HAUS1: variants seen among roughly 807,000 people sequenced by gnomAD.
The protein encoded by HAUS1 is HAUS augmin like complex subunit 1, also known as HAUS augmin-like complex subunit 1.
HAUS1 carries 25 observed loss-of-function variants against 38.6 expected under a neutral mutation model. The ratio of observed to expected loss-of-function variants is 0.65; its 90% CI spans 0.47 to 0.91. HAUS1 has a LOEUF of 0.91. Ranked by LOEUF, HAUS1 falls within the 40% of genes least tolerant of loss-of-function variation. HAUS1 has a pLI of 0.00. For missense variants in HAUS1, 325 were observed against 328.4 expected, an observed-to-expected ratio of 0.99 and a Z score of 0.08; for synonymous variants, 109 against 112.9, an observed-to-expected ratio of 0.97 and a Z score of 0.22.
intron 2 of HAUS1, among the ~76,000 whole-genome samples, chr18:46,108,271 C>CTTTTTT (rs1166729740): frequency 1.7e-5 from 2 of 115,210 alleles, no homozygotes; most frequent in Non-Finnish European, 3.6e-5. Context: ...GAATTTACTT[C>CTTTTTT]TTTTTTTTTT....
chr18:46,104,725 C>T (rs898641641), intron 1 of HAUS1, among the ~76,000 whole-genome samples: 2 of 152,056 alleles, frequency 1.3e-5, no homozygotes, highest in African/African-American at 4.8e-5. Flanking sequence ...GAAGCCAAAC[C>T]CGCCTTCCGG....
chr18:46,120,309 A>C (rs1390428822), intron 4 of HAUS1, among the ~76,000 whole-genome samples: 2 of 151,158 alleles, frequency 1.3e-5, no homozygotes, highest in African/African-American at 2.4e-5. Flanking sequence ...ATCTCAGCTC[A>C]CTGCAACCTC....
intron 2 of HAUS1, among the ~76,000 whole-genome samples, chr18:46,117,031 C>T (rs909906906): frequency 3.3e-5 from 5 of 152,146 alleles, no homozygotes; most frequent in Non-Finnish European, 5.9e-5. Flanking sequence ...ATCAAAAAGA[C>T]ATATTGCAAC....
chr18:46,104,497 C>A, intron 1 of HAUS1, 56 bp downstream of exon 1: 8 of 1,387,158 alleles, frequency 5.8e-6, no homozygotes, highest in Non-Finnish European at 6.7e-6. Context: ...TTTTGACACC[C>A]CCGCGCCGAC....
rs770222476 is a variant in HAUS1, at chr18:46,120,097, A to G, written c.476+37A>G. 3.4e-6 allele frequency: 5 copies of G among 1,452,356 alleles called. No homozygotes were observed. In the East Asian group the frequency reaches 9.3e-5, roughly 27 times the overall value. 90.0% of individuals were successfully genotyped at this position (1,452,356 alleles called of 1,614,324 possible). On this transcript the variant is annotated intron_variant, in intron 4 of 8. Transcript: ENST00000282058. ...AGTTCAGAGTGGTGACAATTTATAAATAAGGGAGTAATAGGACATTGTCAA... is the reference window on the plus strand; with the variant it reads ...AGTTCAGAGTGGTGACAATTTATAAGTAAGGGAGTAATAGGACATTGTCAA...
At chr18:46,123,251 A>C in intron 5 of HAUS1, 48 bp from the exon 6 acceptor site, 1 of 1,208,650 alleles carries the variant, frequency 8.3e-7, no homozygotes, top group Non-Finnish European at 1.2e-6. Context: ...GATGGTGGTC[A>C]CTTTTCAAAT....
intron 2 of HAUS1, among the ~76,000 whole-genome samples, chr18:46,107,629 G>A (rs1044117682): frequency 6.6e-6 from 1 of 152,196 alleles, no homozygotes; most frequent in Non-Finnish European, 1.5e-5. Flanking sequence ...GTACATTGAT[G>A]TGTATTGGTA....
At chr18:46,118,646 C>A (rs1212277655) in intron 3 of HAUS1, among the ~76,000 whole-genome samples, 1 of 152,156 alleles carries the variant, frequency 6.6e-6, no homozygotes, top group Non-Finnish European at 1.5e-5. Context: ...TTGGTTATGT[C>A]TACCTTTTTG....
intron 2 of HAUS1, among the ~76,000 whole-genome samples, chr18:46,109,446 GA>G (rs1309069582): frequency 1.3e-5 from 2 of 152,072 alleles, no homozygotes; most frequent in Non-Finnish European, 2.9e-5. Flanking sequence ...TTCTGTTATT[GA>G]TTTCTCATTT....
intron 8 of HAUS1, 120 bp from the exon 9 acceptor site, chr18:46,127,955 A>AT (rs1468201799): frequency 2.0e-6 from 1 of 512,116 alleles, no homozygotes; most frequent in African/African-American, 2.0e-5. Flanking sequence ...TCATAATGGT[A>AT]TTTTTAAAAT....
chr18:46,108,090 C>T (rs1436024104), intron 2 of HAUS1, among the ~76,000 whole-genome samples: 1 of 151,988 alleles, frequency 6.6e-6, no homozygotes, highest in African/African-American at 2.4e-5. Context: ...CTTGAGGAGG[C>T]AAATGAGAAG....
chr18:46,111,109 C>G (rs1911622807), intron 2 of HAUS1, among the ~76,000 whole-genome samples: 2 of 151,804 alleles, frequency 1.3e-5, no homozygotes, highest in African/African-American at 4.8e-5. Flanking sequence ...ATCTCCTGAT[C>G]CATCCACCTC....
At chr18:46,113,034 T>TGG (rs1568263677) in intron 2 of HAUS1, among the ~76,000 whole-genome samples, 9 of 58,572 alleles carry the variant, frequency 1.5e-4, no homozygotes, top group African/African-American at 5.1e-4. Context: ...ATTATATATA[T>TGG]AATATATATA....
Position 46,120,024 on chromosome 18 carries a change from T to C in HAUS1, c.440T>C (p.Leu147Ser), listed in dbSNP as rs1439033120. The C allele has an allele frequency of 4.1e-5, 66 of 1,606,200 alleles. No homozygotes were observed. Among genetic ancestry groups the C allele is most frequent in the Non-Finnish European group, 5.4e-5 (63 of 1,174,950 alleles). The change falls in exon 4 of 9, where the codon TTA (leucine) becomes TCA (serine). Residue 147 changes from leucine (L) to serine (S), a missense_variant. Transcript: ENST00000282058. ...GAACTGGAAAAACTTGAAAAAAATT[T>C]AACTGCAACTTTAGTATTAGAAAAA... ...KIELEKLEKN[L>S]TATLVLEKCL... is the part of the protein sequence containing the mutation.
At chr18:46,117,021 A>G (rs765491577) in intron 2 of HAUS1, among the ~76,000 whole-genome samples, 1 of 152,200 alleles carries the variant, frequency 6.6e-6, no homozygotes, top group African/African-American at 2.4e-5. Context: ...GATGGCTATA[A>G]TCAAAAAGAC....
intron 2 of HAUS1, among the ~76,000 whole-genome samples, chr18:46,111,345 G>A (rs1911629498): frequency 6.6e-6 from 1 of 150,840 alleles, no homozygotes; most frequent in Admixed American, 6.6e-5. Flanking sequence ...TTATTTTTGA[G>A]ACAGAGTCTC....
At chr18:46,111,576 C>T (rs894845365) in intron 2 of HAUS1, among the ~76,000 whole-genome samples, 13 of 152,118 alleles carry the variant, frequency 8.5e-5, no homozygotes, top group Non-Finnish European at 1.9e-4. Flanking sequence ...CCCACCTCAG[C>T]CTCCCAAAGT....
Position 46,122,538 on chromosome 18 carries a change from ACTTT to A in HAUS1, c.551_554del (p.Phe184Ter), listed in dbSNP as rs1344649692. 6.2e-7 allele frequency: 1 copy of A among 1,614,026 alleles called. No individual in the cohort carries two copies. Among genetic ancestry groups the A allele is most frequent in the Non-Finnish European group, 8.5e-7 (1 of 1,179,998 alleles). On this transcript the variant is annotated frameshift_variant, in exon 5 of 9. Transcript: ENST00000282058. LOFTEE classifies it high-confidence loss of function. ...GTTGATAATCGTCGTCAGAACATGGACTTTCTAAAAGCAAAGTCAGAGGAATTCA... is the reference window on the plus strand; with the variant it reads ...GTTGATAATCGTCGTCAGAACATGGACTAAAAGCAAAGTCAGAGGAATTCA...
intron 2 of HAUS1, among the ~76,000 whole-genome samples, chr18:46,114,387 GAGGT>G (rs1911748775): frequency 1.3e-5 from 2 of 152,296 alleles, no homozygotes; most frequent in South Asian, 2.1e-4. Context: ...GTTGGGGTTG[GAGGT>G]AGGTAGGGAA....
Sources: allele counts gnomAD v4.1 joint callset (sites outside exome capture counted in the v4.1 genomes callset), GRCh38; gene constraint gnomAD v4.1.1; transcripts MANE v1.5; gene names NCBI Gene and HGNC (gene_info 2026-07-23, HGNC 2026-07-21).